KCNQ1OT1: variants seen among roughly 807,000 people sequenced by gnomAD.
KCNQ1OT1 encodes KCNQ1 opposite strand/antisense transcript 1.
chr11:2,615,938 G>A (rs1849055106), exon 1 of KCNQ1OT1: 4 of 398,076 alleles, frequency 1.0e-5, no homozygotes, highest in East Asian at 3.6e-5. Context: ...AGGGATTGGT[G>A]TGAATTCTTC....
chr11:2,664,877 CATAA>C lies in KCNQ1OT1; in HGVS notation n.35114_35117del, dbSNP rs1384018977. 1.8e-5 allele frequency: 7 copies of C among 398,542 alleles called. No homozygotes were observed. Among genetic ancestry groups the C allele is most frequent in the East Asian group, 1.4e-4 (4 of 28,090 alleles). 24.7% of individuals were successfully genotyped at this position (398,542 alleles called of 1,614,324 possible). On this transcript the variant is annotated non_coding_transcript_exon_variant, in exon 1 of 1. Transcript: ENST00000597346. The surrounding 1 kb of genome is among the most constrained non-coding windows in gnomAD (Gnocchi z 5.1). ...CCAGTTCCAGAATTCAAATTAAAAA[CATAA>C]ATAAAGACACATTTTGTTTCCATCT... is the stretch of plus-strand genomic sequence containing the variant.
In KCNQ1OT1 at chr11:2,621,190, A is replaced by C. The variant is rs1589986524; in HGVS notation, n.78805T>G. ...ACGGGGTTTCACCATGTTGGCCAGGATGGTCTCGAATACCTGACCCCAGAT... is the reference window on the plus strand; with the variant it reads ...ACGGGGTTTCACCATGTTGGCCAGGCTGGTCTCGAATACCTGACCCCAGAT... On this transcript the variant is annotated non_coding_transcript_exon_variant, in exon 1 of 1. Transcript: ENST00000597346. The surrounding 1 kb of genome is among the most constrained non-coding windows in gnomAD (Gnocchi z 5.7). The C allele has an allele frequency of 2.5e-6, 1 of 397,068 alleles. No individual in the cohort carries two copies. Among genetic ancestry groups the C allele is most frequent in the Non-Finnish European group, 4.4e-6 (1 of 225,766 alleles). 24.6% of individuals were successfully genotyped at this position (397,068 alleles called of 1,614,324 possible).
In KCNQ1OT1 at chr11:2,621,994, G is replaced by A. The variant is rs1295034703; in HGVS notation, n.78001C>T. 2.5e-6 allele frequency: 1 copy of A among 398,144 alleles called. No individual in the cohort carries two copies. The allele number at this position is 398,144 out of a possible 1,614,324, so 24.7% of individuals were successfully genotyped here. A position where few individuals can be genotyped will look rare whatever the true frequency, so the allele number is the denominator to read the frequency against. On this transcript the variant is annotated non_coding_transcript_exon_variant, in exon 1 of 1. Transcript: ENST00000597346. This position sits in a 1 kb window ranked among gnomAD's most constrained non-coding sequence, Gnocchi z 5.7. The stretch of plus-strand genomic sequence containing the variant: ...GAAATATCTCTTCTTTTTTAATGTA[G>A]GCAAGGCATTTATTGCTGTAAACTT...
Position 2,651,695 on chromosome 11 carries a change from T to G in KCNQ1OT1, n.48300A>C, listed in dbSNP as rs1849758841. ...CCACGTGGCCCTCTGTTTCCTGTAA[T>G]AGGCCATTTCCTAAGTAAGCATCAT... On this transcript the variant is annotated non_coding_transcript_exon_variant, in exon 1 of 1. Coordinates refer to ENST00000597346, the Ensembl canonical transcript of KCNQ1OT1. The surrounding 1 kb of genome is among the most constrained non-coding windows in gnomAD (Gnocchi z 6.1). 1 of 398,526 alleles carries G rather than the reference T, an allele frequency of 2.5e-6. No individual in the cohort carries two copies. The highest frequency in any genetic ancestry group is 4.4e-6 in the Non-Finnish European group (1 of 226,078). 24.7% of individuals were successfully genotyped at this position (398,526 alleles called of 1,614,324 possible). A position where few individuals can be genotyped will look rare whatever the true frequency, so the allele number is the denominator to read the frequency against.
At chr11:2,609,558 T>C in exon 1 of KCNQ1OT1, 1 of 395,574 alleles carries the variant, frequency 2.5e-6, no homozygotes, top group Non-Finnish European at 4.4e-6. Context: ...ATGGTGTTGC[T>C]CATATCTTCT....
chr11:2,698,113 T>C lies in KCNQ1OT1; in HGVS notation n.1882A>G, dbSNP rs1473784423. 1 of 398,546 alleles carries C rather than the reference T, an allele frequency of 2.5e-6. No homozygotes were observed. Among genetic ancestry groups the C allele is most frequent in the East Asian group, 3.6e-5 (1 of 28,098 alleles). 24.7% of individuals were successfully genotyped at this position (398,546 alleles called of 1,614,324 possible). A position where few individuals can be genotyped will look rare whatever the true frequency, so the allele number is the denominator to read the frequency against. ...TGAGTAAGGCTGTGTATCAGGCTCT[T>C]GGCTGGGTACAGAGCAGGCAGCAGA... is the stretch of plus-strand genomic sequence containing the variant. On this transcript the variant is annotated non_coding_transcript_exon_variant, in exon 1 of 1. Coordinates refer to ENST00000597346, the Ensembl canonical transcript of KCNQ1OT1. This position sits in a 1 kb window ranked among gnomAD's most constrained non-coding sequence, Gnocchi z 5.1.
exon 1 of KCNQ1OT1, chr11:2,615,755 C>A (rs1188881771): frequency 2.5e-6 from 1 of 397,716 alleles, no homozygotes; most frequent in African/African-American, 2.1e-5. Context: ...ATATATAATC[C>A]TTTTTAATAT....
chr11:2,640,405 C>T (rs982707989), exon 1 of KCNQ1OT1: 16 of 398,526 alleles, frequency 4.0e-5, no homozygotes, highest in Non-Finnish European at 5.7e-5. Flanking sequence ...CCATCCTTGA[C>T]CCCTCAAGTA....
At chr11:2,699,461 G>T in exon 1 of KCNQ1OT1, 2 of 400,166 alleles carry the variant, frequency 5.0e-6, no homozygotes, top group East Asian at 7.4e-5. Context: ...GAGCCGCCGG[G>T]AGAGTGCCGC....
Position 2,663,216 on chromosome 11 carries a change from C to G in KCNQ1OT1, n.36779G>C, listed in dbSNP as rs118146655. On this transcript the variant is annotated non_coding_transcript_exon_variant, in exon 1 of 1. Transcript: ENST00000597346. The surrounding 1 kb of genome is among the most constrained non-coding windows in gnomAD (Gnocchi z 5.2). The stretch of plus-strand genomic sequence containing the variant: ...TCATGGTGGGTAGGGTGTGAAGAGG[C>G]TCCAAGGGAGCCAGCAGATCACTGG... 5.2e-3 allele frequency: 2,075 copies of G among 398,724 alleles called. 89 individuals carry two copies. In the Admixed American group the frequency reaches 0.073, roughly 14 times the overall value. 24.7% of individuals were successfully genotyped at this position (398,724 alleles called of 1,614,324 possible).
exon 1 of KCNQ1OT1, chr11:2,648,341 T>C: frequency 7.5e-6 from 3 of 398,644 alleles, no homozygotes; most frequent in Non-Finnish European, 1.3e-5. Flanking sequence ...GCTTTTCTAG[T>C]TCCTTGAGAT....
At chr11:2,666,984 G>A (rs1350367465) in exon 1 of KCNQ1OT1, 2 of 398,584 alleles carry the variant, frequency 5.0e-6, no homozygotes, top group Non-Finnish European at 8.8e-6. Flanking sequence ...CGCCCGGGAG[G>A]GCTGTACAGG....
exon 1 of KCNQ1OT1, chr11:2,662,308 G>GA (rs1849974427): frequency 3.3e-6 from 2 of 599,940 alleles, no homozygotes; most frequent in Non-Finnish European, 5.9e-6. Flanking sequence ...TTGACTTATG[G>GA]AAAACCAGAC....
chr11:2,612,084 A>ATTAATTAAG lies in KCNQ1OT1; in HGVS notation n.87910_87911insCTTAATTAA. 2.5e-6 allele frequency: 1 copy of ATTAATTAAG among 398,642 alleles called. No homozygotes were observed. Among genetic ancestry groups the ATTAATTAAG allele is most frequent in the Non-Finnish European group, 4.4e-6 (1 of 226,064 alleles). The allele number at this position is 398,642 out of a possible 1,614,324, so 24.7% of individuals were successfully genotyped here. On this transcript the variant is annotated non_coding_transcript_exon_variant, in exon 1 of 1. Coordinates refer to ENST00000597346, the Ensembl canonical transcript of KCNQ1OT1. The surrounding 1 kb of genome is among the most constrained non-coding windows in gnomAD (Gnocchi z 5.5). ...CTTAATTACACATACATTGTTACAC[A>ATTAATTAAG]TCCTGTTAGGACAGGGGTTCCCAAC... is the stretch of plus-strand genomic sequence containing the variant.
Position 2,661,844 on chromosome 11 carries a change from A to G in KCNQ1OT1, n.38151T>C, listed in dbSNP as rs1849961743. 7.8e-7 allele frequency: 1 copy of G among 1,283,538 alleles called. No individual in the cohort carries two copies. The highest frequency in any genetic ancestry group is 1.1e-6 in the Non-Finnish European group (1 of 886,844). The allele number at this position is 1,283,538 out of a possible 1,614,324, so 79.5% of individuals were successfully genotyped here. ...CTATAAAACTGATTGTCAGGGCTGG[A>G]GCTTCCAGGCACAAGCTCCACTCCT... is the stretch of plus-strand genomic sequence containing the variant. On this transcript the variant is annotated non_coding_transcript_exon_variant, in exon 1 of 1. Coordinates refer to ENST00000597346, the Ensembl canonical transcript of KCNQ1OT1. The surrounding 1 kb of genome is among the most constrained non-coding windows in gnomAD (Gnocchi z 5.9).
In KCNQ1OT1 at chr11:2,621,687, T is replaced by C. The variant is rs1325667497; in HGVS notation, n.78308A>G. On this transcript the variant is annotated non_coding_transcript_exon_variant, in exon 1 of 1. Coordinates refer to ENST00000597346, the Ensembl canonical transcript of KCNQ1OT1. This position sits in a 1 kb window ranked among gnomAD's most constrained non-coding sequence, Gnocchi z 5.7. Reference sequence around the variant, plus strand: ...GTTGGGATATAATTGTTCATAAAAGTCCCTTATGATCCTTTTTATTTCTGA... The same window carrying C: ...GTTGGGATATAATTGTTCATAAAAGCCCCTTATGATCCTTTTTATTTCTGA... 7.5e-6 allele frequency: 3 copies of C among 398,336 alleles called. No individual in the cohort carries two copies. Among genetic ancestry groups the C allele is most frequent in the African/African-American group, 6.2e-5 (3 of 48,622 alleles). The allele number at this position is 398,336 out of a possible 1,614,324, so 24.7% of individuals were successfully genotyped here. A position where few individuals can be genotyped will look rare whatever the true frequency, so the allele number is the denominator to read the frequency against.
At chr11:2,637,946 C>T (rs1455888594) in exon 1 of KCNQ1OT1, 5 of 151,974 alleles carry the variant, frequency 3.3e-5, no homozygotes, top group African/African-American at 9.7e-5. Flanking sequence ...ATGACCTTGT[C>T]TCTTTTGATC....
chr11:2,670,727 G>C lies in KCNQ1OT1; in HGVS notation n.29268C>G, dbSNP rs546573682. On this transcript the variant is annotated non_coding_transcript_exon_variant, in exon 1 of 1. Coordinates refer to ENST00000597346, the Ensembl canonical transcript of KCNQ1OT1. The surrounding 1 kb of genome is among the most constrained non-coding windows in gnomAD (Gnocchi z 4.9). ...GTGGCCCATGGAGCAGGAGGGAACA[G>C]TCTGCAGATATTATCTGGGCACTGG... 9 of 398,660 alleles carry C rather than the reference G, an allele frequency of 2.3e-5. No individual in the cohort carries two copies. 24.7% of individuals were successfully genotyped at this position (398,660 alleles called of 1,614,324 possible).
chr11:2,650,955 C>G, exon 1 of KCNQ1OT1: 1 of 397,354 alleles, frequency 2.5e-6, no homozygotes, highest in African/African-American at 2.1e-5. Flanking sequence ...CTTAGTACCC[C>G]TTTCTAATCT....
Sources: gnomAD v4.1 joint callset for allele counts on GRCh38, gnomAD v4.1.1 for gene constraint, Gnocchi (gnomAD v3.1) non-coding constraint, MANE v1.5 for transcripts, NCBI Gene and HGNC (gene_info 2026-07-23, HGNC 2026-07-21) for gene names.